Variants in GALNTL6 observed in about 807,000 individuals in gnomAD.
GALNTL6 encodes polypeptide N-acetylgalactosaminyltransferase-like 6.
Under a neutral mutation model 73.7 loss-of-function variants are expected in GALNTL6, and 46 were observed. The observed-to-expected ratio is 0.62, with a 90% CI of 0.49 to 0.80. The LOEUF is 0.80. GALNTL6 is among the 30% of genes least tolerant of loss of function. The pLI is 0.00. For missense variants in GALNTL6, 604 were observed against 755.0 expected (o/e 0.80, Z 2.34); for synonymous variants, 259 against 263.7 (o/e 0.98, Z 0.17).
chr4:172,582,176 A>G (rs1162134585), intron 5 of GALNTL6, among the ~76,000 whole-genome samples: 4 of 152,242 alleles, frequency 2.6e-5, no homozygotes, highest in Non-Finnish European at 4.4e-5. Flanking sequence ...CAAGGTAAGC[A>G]TCAGGGGCTT....
At chr4:172,159,991 G>T (rs1734401764) in intron 2 of GALNTL6, among the ~76,000 whole-genome samples, 1 of 152,112 alleles carries the variant, frequency 6.6e-6, no homozygotes, top group Non-Finnish European at 1.5e-5. Flanking sequence ...TGTCACAGTA[G>T]ATGCCACAAT....
At chr4:172,059,686 T>G (rs1731136029) in intron 2 of GALNTL6, among the ~76,000 whole-genome samples, 1 of 152,168 alleles carries the variant, frequency 6.6e-6, no homozygotes, top group African/African-American at 2.4e-5. Flanking sequence ...GTGAATTGGT[T>G]AAAAATGTCA....
intron 5 of GALNTL6, among the ~76,000 whole-genome samples, chr4:172,775,026 G>C (rs1365902186): frequency 1.3e-5 from 2 of 150,462 alleles, no homozygotes; most frequent in Non-Finnish European, 2.9e-5. Flanking sequence ...AAGGACTTGG[G>C]GACATAATCA....
At chr4:171,922,468 A>G (rs1737821456) in intron 2 of GALNTL6, among the ~76,000 whole-genome samples, 1 of 152,146 alleles carries the variant, frequency 6.6e-6, no homozygotes, top group Non-Finnish European at 1.5e-5. Flanking sequence ...TAATAAGAAC[A>G]TTATCACTAA....
chr4:172,057,726 AAATAT>A (rs1282303857), intron 2 of GALNTL6, among the ~76,000 whole-genome samples: 7 of 72,750 alleles, frequency 9.6e-5, no homozygotes, highest in African/African-American at 3.6e-4. Context: ...AAAAAAAAAA[AAATAT>A]ATATATATAT....
intron 2 of GALNTL6, among the ~76,000 whole-genome samples, chr4:171,866,600 G>A (rs1578923843): frequency 6.6e-6 from 1 of 151,960 alleles, no homozygotes; most frequent in South Asian, 2.1e-4. Context: ...TCAGCCTGCT[G>A]TAACAAAGTA....
chr4:172,721,992 T>C (rs1338941956), intron 5 of GALNTL6, among the ~76,000 whole-genome samples: 1 of 117,652 alleles, frequency 8.5e-6, no homozygotes, highest in African/African-American at 2.5e-5. Context: ...AAGGCTTTTT[T>C]TTTTTTTCCC....
intron 2 of GALNTL6, among the ~76,000 whole-genome samples, chr4:172,161,445 AAGAG>A (rs199911583): frequency 0.012 from 1,764 of 152,150 alleles, 19 homozygotes; most frequent in Middle Eastern, 0.024. Flanking sequence ...GGAGGAAAGA[AAGAG>A]AGGGCAATTA....
Position 171,983,459 on chromosome 4 carries a change from C to G in GALNTL6, c.138+168741C>G, listed in dbSNP as rs183288396. Among the ~76,000 whole-genome samples the G allele has an allele frequency of 1.4e-4, 19 of 136,740 alleles. No individual in the cohort carries two copies. In the East Asian group the frequency reaches 2.4e-3, roughly 17 times the overall value. 89.7% of individuals were successfully genotyped at this position (136,740 alleles called of 152,430 possible). ...CAGTTAAGGCCAGCTTCAGAGGCAT[C>G]TTGATTTTATTTATTTATTTATTTA... On this transcript the variant is annotated intron_variant, in intron 2 of 12. Coordinates refer to ENST00000506823, the MANE Select transcript of GALNTL6 (RefSeq NM_001034845.3).
chr4:171,943,530 TCTTA>T (rs771757427), intron 2 of GALNTL6, among the ~76,000 whole-genome samples: 2 of 152,194 alleles, frequency 1.3e-5, no homozygotes, highest in African/African-American at 2.4e-5. Context: ...TATTTGTCTC[TCTTA>T]CTTAAAGTGT....
At chr4:172,054,754 T>A (rs1358114765) in intron 2 of GALNTL6, among the ~76,000 whole-genome samples, 1 of 152,166 alleles carries the variant, frequency 6.6e-6, no homozygotes, top group Non-Finnish European at 1.5e-5. Context: ...CCGTATTCAA[T>A]AGTATAAAGG....
At chr4:171,868,335 T>C in intron 2 of GALNTL6, among the ~76,000 whole-genome samples, 1 of 151,954 alleles carries the variant, frequency 6.6e-6, no homozygotes, top group East Asian at 1.9e-4. Flanking sequence ...TTCATGTTTG[T>C]CTGCTCCTTA....
At chr4:172,141,835 C>G (rs774013137) in intron 2 of GALNTL6, among the ~76,000 whole-genome samples, 2 of 151,354 alleles carry the variant, frequency 1.3e-5, no homozygotes, top group African/African-American at 2.4e-5. Flanking sequence ...TATCTGATAG[C>G]TGATAATAAG....
chr4:173,013,942 G>A (rs1322747435), intron 11 of GALNTL6, among the ~76,000 whole-genome samples: 1 of 152,022 alleles, frequency 6.6e-6, no homozygotes, highest in Non-Finnish European at 1.5e-5. Context: ...CCTGCATGAG[G>A]AAGGCATATC....
intron 5 of GALNTL6, among the ~76,000 whole-genome samples, chr4:172,499,297 A>C (rs1734179097): frequency 6.6e-6 from 1 of 152,140 alleles, no homozygotes; most frequent in African/African-American, 2.4e-5. Flanking sequence ...GCACCTTATA[A>C]GAGGAGACTC....
At chr4:171,837,950 T>G (rs1292382462) in intron 2 of GALNTL6, among the ~76,000 whole-genome samples, 1 of 151,468 alleles carries the variant, frequency 6.6e-6, no homozygotes, top group African/African-American at 2.4e-5. Context: ...GAGAGTCATA[T>G]ATTCTTGGCT....
chr4:171,948,441 A>G (rs1560854388), intron 2 of GALNTL6, among the ~76,000 whole-genome samples: 2 of 152,210 alleles, frequency 1.3e-5, no homozygotes, highest in Non-Finnish European at 2.9e-5. Context: ...AAGCTGGGGT[A>G]AATTTGCCAC....
chr4:172,019,115 G>A lies in GALNTL6; in HGVS notation c.138+204397G>A, dbSNP rs189230235. ...CTCATAGAATTTGTAGCAGCATGCC[G>A]CTTCTTTCAGAATATCTGTGAATTC... On this transcript the variant is annotated intron_variant, in intron 2 of 12. Coordinates refer to ENST00000506823, the MANE Select transcript of GALNTL6 (RefSeq NM_001034845.3). Among the ~76,000 whole-genome samples, 83 of 152,244 alleles carry A rather than the reference G, an allele frequency of 5.5e-4. No homozygotes were observed. The East Asian group carries it at 0.013, about 24-fold the overall frequency.
chr4:172,232,132 A>G (rs1440207883), intron 3 of GALNTL6, among the ~76,000 whole-genome samples: 1 of 127,890 alleles, frequency 7.8e-6, no homozygotes, highest in African/African-American at 2.8e-5. Context: ...ACTCAGGTAC[A>G]GAGTCAAAAT....
Sources: allele counts gnomAD v4.1 joint callset (sites outside exome capture counted in the v4.1 genomes callset), GRCh38; gene constraint gnomAD v4.1.1; transcripts MANE v1.5; gene names NCBI Gene and HGNC (gene_info 2026-07-23, HGNC 2026-07-21).